FBXO21: variants seen among roughly 807,000 people sequenced by gnomAD.
The protein encoded by FBXO21 is F-box protein 21.
A neutral mutation model predicts 76.6 loss-of-function variants in FBXO21; 32 were observed. The ratio of observed to expected loss-of-function variants is 0.42; its 90% confidence interval spans 0.32 to 0.56. FBXO21 has a LOEUF of 0.56. Among genes scored for constraint, FBXO21 ranks in the 20% least tolerant of loss-of-function variants. The probability of loss-of-function intolerance (pLI) is 0.16; values close to 1 mark genes in which losing one functional copy is unlikely to be tolerated. For missense variants in FBXO21, 586 were observed against 797.3 expected, an observed-to-expected ratio of 0.73 and a Z score of 3.19; for synonymous variants, 328 against 311.5, an observed-to-expected ratio of 1.05 and a Z score of -0.56.
rs1028891166 is a variant in FBXO21 at position 117,145,158 on chromosome 12, T to C, written c.*929A>G. The C allele has an allele frequency of 2.6e-5, 4 of 151,492 alleles. No homozygotes were observed. The highest frequency in any genetic ancestry group is 5.9e-5 in the Non-Finnish European group (4 of 67,960). 9.4% of individuals were successfully genotyped at this position (151,492 alleles called of 1,614,324 possible). A position where few individuals can be genotyped will look rare whatever the true frequency, so the allele number is the denominator to read the frequency against. ...TTTGGTCTTTGAAGACCATGGAGTATGACTTCTAAGAGCAAACATTAACAT... is the reference window on the plus strand; with the variant it reads ...TTTGGTCTTTGAAGACCATGGAGTACGACTTCTAAGAGCAAACATTAACAT... On this transcript the variant is annotated 3_prime_UTR_variant, in exon 12 of 12. Coordinates refer to ENST00000622495, the MANE Select transcript of FBXO21 (RefSeq NM_015002.3).
chr12:117,171,946 T>C (rs1463411085), intron 7 of FBXO21, among the ~76,000 whole-genome samples: 1 of 152,200 alleles, frequency 6.6e-6, no homozygotes, highest in East Asian at 1.9e-4. Flanking sequence ...AAAATTCTCA[T>C]CAGTCACCAA....
chr12:117,188,425 G>C (rs1299123391), intron 2 of FBXO21, among the ~76,000 whole-genome samples: 1 of 152,018 alleles, frequency 6.6e-6, no homozygotes, highest in African/African-American at 2.4e-5. Flanking sequence ...CATGCCTGTA[G>C]TCCCGGCTAC....
At chr12:117,179,902 C>T (rs1044538647) in intron 3 of FBXO21, among the ~76,000 whole-genome samples, 1 of 152,152 alleles carries the variant, frequency 6.6e-6, no homozygotes, top group Non-Finnish European at 1.5e-5. Context: ...CTTCTATTTA[C>T]AATTTTTCAA....
At chr12:117,189,471 G>A (rs1199462695) in intron 1 of FBXO21, 109 bp from the exon 2 acceptor site, 66 of 1,202,944 alleles carry the variant, frequency 5.5e-5, no homozygotes, top group Non-Finnish European at 8.0e-5. Context: ...AGTGGTAAGA[G>A]GGACCCCGGC....
intron 7 of FBXO21, 57 bp from the exon 8 acceptor site, chr12:117,167,134 CA>C: frequency 7.5e-7 from 1 of 1,335,894 alleles, no homozygotes; most frequent in African/African-American, 1.4e-5. Context: ...TTTAAGTCTC[CA>C]CAGTAAGTAG....
intron 11 of FBXO21, among the ~76,000 whole-genome samples, chr12:117,149,024 C>T (rs1955809857): frequency 2.0e-5 from 3 of 151,462 alleles, no homozygotes; most frequent in Admixed American, 2.0e-4. Flanking sequence ...TCCTGTCCAC[C>T]CACTGCTGCC....
intron 9 of FBXO21, among the ~76,000 whole-genome samples, chr12:117,163,487 T>C (rs774826727): frequency 1.3e-5 from 2 of 151,988 alleles, no homozygotes; most frequent in Non-Finnish European, 2.9e-5. Flanking sequence ...GAGCCAAGAT[T>C]GCGCCACTGC....
intron 8 of FBXO21, among the ~76,000 whole-genome samples, chr12:117,166,405 A>T (rs1228922034): frequency 1.3e-5 from 2 of 152,156 alleles, no homozygotes; most frequent in Non-Finnish European, 2.9e-5. Flanking sequence ...TCTGGTGAGG[A>T]TGTTGACAGT....
intron 3 of FBXO21, among the ~76,000 whole-genome samples, chr12:117,178,723 C>A (rs1287707997): frequency 6.6e-6 from 1 of 152,048 alleles, no homozygotes; most frequent in Non-Finnish European, 1.5e-5. Flanking sequence ...TCACCTTCTC[C>A]TAGGTTTCAA....
chr12:117,188,720 A>G (rs945732318), intron 2 of FBXO21: 4 of 152,946 alleles, frequency 2.6e-5, no homozygotes, highest in African/African-American at 9.6e-5. Flanking sequence ...TCAGGGAGTA[A>G]TAACTCTGAT....
intron 7 of FBXO21, among the ~76,000 whole-genome samples, chr12:117,170,761 G>GTTA (rs1161927127): frequency 6.6e-6 from 1 of 152,202 alleles, no homozygotes; most frequent in African/African-American, 2.4e-5. Flanking sequence ...CCTGTAGTAA[G>GTTA]TTATCGTGGC....
At chr12:117,162,301 G>A (rs1311778134) in intron 9 of FBXO21, among the ~76,000 whole-genome samples, 1 of 152,220 alleles carries the variant, frequency 6.6e-6, no homozygotes, top group Non-Finnish European at 1.5e-5. Flanking sequence ...TTCTTCAGAA[G>A]CGCTCTGGCC....
chr12:117,153,908 G>GT (rs1240532821), intron 11 of FBXO21, among the ~76,000 whole-genome samples: 1 of 152,162 alleles, frequency 6.6e-6, no homozygotes, highest in Non-Finnish European at 1.5e-5. Flanking sequence ...TACATTGCAT[G>GT]TTTACCTAGA....
rs1001835734 is a variant in FBXO21 at position 117,143,779 on chromosome 12, G to A, written c.*2308C>T. On this transcript the variant is annotated 3_prime_UTR_variant, in exon 12 of 12. Transcript: ENST00000622495. ...AAACGAAATTGGGCAGGCCATTTGC[G>A]TGGTTTCTCTGGATAAGTTCCATTT... The A allele has an allele frequency of 2.6e-5, 4 of 152,632 alleles. No homozygotes were observed. The highest frequency in any genetic ancestry group is 2.1e-4 in the South Asian group (1 of 4,830). The allele number at this position is 152,632 out of a possible 1,614,324, so 9.5% of individuals were successfully genotyped here. A position where few individuals can be genotyped will look rare whatever the true frequency, so the allele number is the denominator to read the frequency against.
rs117330885 is a variant in FBXO21, at chr12:117,160,049, T to C, written c.1327-1986A>G. ...CCACTTCTGGGGTGGAGATCCTGGA[T>C]TGGGGTCTATTACCCATGATGCATT... is the stretch of plus-strand genomic sequence containing the variant. On this transcript the variant is annotated intron_variant, in intron 9 of 11. Coordinates refer to ENST00000622495, the MANE Select transcript of FBXO21 (RefSeq NM_015002.3). 5.7e-4 allele frequency among the ~76,000 whole-genome samples: 87 copies of C among 152,204 alleles called. No homozygotes were observed. The East Asian group carries it at 0.016, about 27-fold the overall frequency.
chr12:117,177,526 G>A lies in FBXO21; in HGVS notation c.586C>T (p.Leu196Phe). 1 of 1,613,176 alleles carries A rather than the reference G, an allele frequency of 6.2e-7. No homozygotes were observed. ...TATATGGGAAAAGACCCACCTTCAA[G>A]ATACGACTCATAGTCATCTGGCTGC... ...LQQPDDYESYLEGAVYIDQYC... is the reference protein window; with the variant it reads ...LQQPDDYESYFEGAVYIDQYC... The change falls in exon 4 of 12, where the codon CTT (leucine) becomes TTT (phenylalanine). Residue 196 changes from leucine (L) to phenylalanine (F), a missense_variant. Physicochemically the swap from Leu to Phe is conservative, Grantham distance 22 (BLOSUM62 0). Transcript: ENST00000622495.
At chr12:117,161,623 C>A (rs548754816) in intron 9 of FBXO21, among the ~76,000 whole-genome samples, 2 of 152,278 alleles carry the variant, frequency 1.3e-5, no homozygotes, top group African/African-American at 4.8e-5. Flanking sequence ...GACTTTCACC[C>A]GTCTGGGAGA....
chr12:117,165,774 T>C (rs1956047262), intron 8 of FBXO21, among the ~76,000 whole-genome samples, 157 bp from the exon 9 acceptor site: 1 of 151,622 alleles, frequency 6.6e-6, no homozygotes, highest in Non-Finnish European at 1.5e-5. Flanking sequence ...ACAATGCTCT[T>C]AAGAAAAAAA....
chr12:117,149,346 A>G (rs1955813691), intron 11 of FBXO21, among the ~76,000 whole-genome samples: 1 of 152,182 alleles, frequency 6.6e-6, no homozygotes, highest in South Asian at 2.1e-4. Flanking sequence ...TAGAGGGTAA[A>G]GAAGCTGGGA....
Sources: gnomAD v4.1 joint callset for allele counts (sites outside exome capture counted in the v4.1 genomes callset) on GRCh38, gnomAD v4.1.1 for gene constraint, MANE v1.5 for transcripts, NCBI Gene and HGNC (gene_info 2026-07-23, HGNC 2026-07-21) for gene names.